The following DLG2 variants were observed in gnomAD, a reference collection of about 807,000 sequenced individuals.
DLG2 encodes disks large homolog 2.
A neutral mutation model predicts 132.5 loss-of-function variants in DLG2; 45 were observed. That is an observed-to-expected ratio of 0.34 (90% CI 0.27 to 0.44). The LOEUF is 0.44. Ranked by LOEUF, DLG2 falls within the 20% of genes least tolerant of loss-of-function variation. The pLI is 1.00. For missense variants in DLG2, 1,045 were observed against 1,196.9 expected, an observed-to-expected ratio of 0.87 and a Z score of 1.87; for synonymous variants, 424 against 419.6, an observed-to-expected ratio of 1.01 and a Z score of -0.13.
chr11:83,786,460 T>G, intron 18 of DLG2: 1 of 482,676 alleles, frequency 2.1e-6, no homozygotes, highest in Non-Finnish European at 3.7e-6. Flanking sequence ...TGCTATTTAT[T>G]TGAATTCATA....
chr11:84,794,694 C>T (rs573459953), intron 6 of DLG2, among the ~76,000 whole-genome samples: 1 of 152,342 alleles, frequency 6.6e-6, no homozygotes, highest in South Asian at 2.1e-4. Context: ...CTCCCCACTC[C>T]TGGCACCCAC....
intron 21 of DLG2, among the ~76,000 whole-genome samples, chr11:83,530,480 G>C (rs1243685590): frequency 6.6e-6 from 1 of 151,718 alleles, no homozygotes; most frequent in Non-Finnish European, 1.5e-5. Flanking sequence ...ATATTCACAA[G>C]CTACAATTGC....
At chr11:85,450,184 G>A (rs112404387) in intron 3 of DLG2, among the ~76,000 whole-genome samples, 168 of 152,244 alleles carry the variant, frequency 1.1e-3, no homozygotes, top group African/African-American at 3.9e-3. Flanking sequence ...AGCCTTTGTG[G>A]TTATCAATTT....
intron 18 of DLG2, among the ~76,000 whole-genome samples, chr11:83,739,868 A>T (rs576350308): frequency 6.6e-6 from 1 of 152,244 alleles, no homozygotes; most frequent in Non-Finnish European, 1.5e-5. Flanking sequence ...TGAACATGAG[A>T]GGTATGTAGG....
intron 11 of DLG2, among the ~76,000 whole-genome samples, chr11:84,057,551 C>T (rs1357213594): frequency 2.0e-5 from 3 of 151,712 alleles, no homozygotes; most frequent in African/African-American, 7.3e-5. Flanking sequence ...TTCTTTTTAC[C>T]CAGATTTAGT....
At chr11:83,719,645 C>G (rs1437656721) in intron 18 of DLG2, among the ~76,000 whole-genome samples, 1 of 152,138 alleles carries the variant, frequency 6.6e-6, no homozygotes, top group Non-Finnish European at 1.5e-5. Context: ...TCAGTGACCC[C>G]AGGGAGGGCA....
chr11:84,999,059 A>G (rs2154129739), intron 6 of DLG2, among the ~76,000 whole-genome samples: 1 of 152,074 alleles, frequency 6.6e-6, no homozygotes, highest in South Asian at 2.1e-4. Flanking sequence ...TTTAGATCAG[A>G]ATCTTGGATT....
At chr11:83,916,756 T>G (rs1029297976) in intron 15 of DLG2, among the ~76,000 whole-genome samples, 1 of 152,226 alleles carries the variant, frequency 6.6e-6, no homozygotes, top group Non-Finnish European at 1.5e-5. Context: ...GTAAGTTTTA[T>G]TTCCTTCCTT....
chr11:84,828,514 G>A (rs1040706321), intron 6 of DLG2, among the ~76,000 whole-genome samples: 2 of 151,710 alleles, frequency 1.3e-5, no homozygotes, highest in Admixed American at 6.6e-5. Context: ...AAAGAAAAGA[G>A]CACTTACAGA....
intron 6 of DLG2, among the ~76,000 whole-genome samples, chr11:84,616,649 T>C (rs1030100497): frequency 6.6e-6 from 1 of 152,126 alleles, no homozygotes; most frequent in African/African-American, 2.4e-5. Context: ...GTACAGTCTT[T>C]GGTAAACCAC....
intron 6 of DLG2, among the ~76,000 whole-genome samples, chr11:85,023,617 A>T (rs2060263261): frequency 6.6e-6 from 1 of 152,056 alleles, no homozygotes; most frequent in Non-Finnish European, 1.5e-5. Flanking sequence ...CACACAGAAG[A>T]CTTCAGCAGA....
At chr11:84,835,949 T>A (rs557667871) in intron 6 of DLG2, among the ~76,000 whole-genome samples, 3 of 151,860 alleles carry the variant, frequency 2.0e-5, no homozygotes, top group Admixed American at 6.6e-5. Context: ...CTGCAAATCA[T>A]CTTTTTTACT....
intron 6 of DLG2, among the ~76,000 whole-genome samples, chr11:85,068,706 T>C (rs1593563356): frequency 1.3e-5 from 2 of 151,958 alleles, no homozygotes; most frequent in Admixed American, 6.6e-5. Context: ...GAATCAGTAC[T>C]GTGAAAATGG....
intron 19 of DLG2, among the ~76,000 whole-genome samples, chr11:83,545,123 A>G (rs924753100): frequency 6.6e-6 from 1 of 152,164 alleles, no homozygotes; most frequent in Non-Finnish European, 1.5e-5. Context: ...GCTAACAAGT[A>G]GTAGCCAAGG....
intron 6 of DLG2, among the ~76,000 whole-genome samples, chr11:84,940,330 T>C (rs191770091): frequency 2.0e-3 from 298 of 152,264 alleles, no homozygotes; most frequent in African/African-American, 6.8e-3. Flanking sequence ...TTTTTGTATT[T>C]TTAGTAGAGA....
At position 84,510,728 on chromosome 11, in the gene DLG2, T is replaced by A. The variant is rs552763365; in HGVS notation, c.519+23842A>T. Among the ~76,000 whole-genome samples the A allele has an allele frequency of 5.3e-5, 8 of 152,318 alleles. 1 individual carries two copies. The South Asian group carries it at 1.4e-3, about 28-fold the overall frequency. ...ACAGTCATTCGTTGAAGGAAGACAA[T>A]GTTTTATTCATCTTTTATTCTCTAT... On this transcript the variant is annotated intron_variant, in intron 7 of 27. Coordinates refer to ENST00000376104, the MANE Select transcript of DLG2 (RefSeq NM_001142699.3).
intron 6 of DLG2, among the ~76,000 whole-genome samples, chr11:84,686,093 C>T (rs2099737914): frequency 6.6e-6 from 1 of 152,164 alleles, no homozygotes; most frequent in Non-Finnish European, 1.5e-5. Flanking sequence ...AGAGCAGTAC[C>T]TAGTGAGTCA....
chr11:85,270,639 T>C (rs2077471346), intron 4 of DLG2, among the ~76,000 whole-genome samples: 1 of 152,178 alleles, frequency 6.6e-6, no homozygotes, highest in South Asian at 2.1e-4. Flanking sequence ...TTGACCAAAA[T>C]GCTCAAGATG....
At chr11:84,391,428 A>C (rs953871136) in intron 7 of DLG2, among the ~76,000 whole-genome samples, 1 of 152,186 alleles carries the variant, frequency 6.6e-6, no homozygotes, top group Admixed American at 6.5e-5. Flanking sequence ...GAGACAGCTT[A>C]GTTCTATTTT....
Sources: gnomAD v4.1 joint callset for allele counts (sites outside exome capture counted in the v4.1 genomes callset) on GRCh38, gnomAD v4.1.1 for gene constraint, MANE v1.5 for transcripts, NCBI Gene and HGNC (gene_info 2026-07-23, HGNC 2026-07-21) for gene names.